PTK2: variants seen among roughly 807,000 people sequenced by gnomAD.
The protein encoded by PTK2 is protein tyrosine kinase 2, also known as focal adhesion kinase 1.
PTK2 carries 45 observed loss-of-function variants against 150.1 expected under a neutral mutation model. That is an observed-to-expected ratio of 0.30 (90% CI 0.24 to 0.38). PTK2 has a LOEUF of 0.38. Among genes scored for constraint, PTK2 ranks in the 10% least tolerant of loss-of-function variants. The pLI is 1.00. For synonymous variants in PTK2, 432 were observed against 449.2 expected (o/e 0.96, Z 0.48); for missense variants, 919 against 1,307.3 (o/e 0.70, Z 4.58).
At chr8:140,697,416 T>TTGTG (rs34459077) in intron 26 of PTK2, among the ~76,000 whole-genome samples, 1,816 of 145,792 alleles carry the variant, frequency 0.012, 21 homozygotes, top group African/African-American at 0.022. Context: ...AGAATACGGT[T>TTGTG]TGTGTGTGTG....
intron 3 of PTK2, among the ~76,000 whole-genome samples, chr8:140,886,043 CAAAG>C (rs948399275): frequency 6.6e-6 from 1 of 151,856 alleles, no homozygotes; most frequent in Admixed American, 6.6e-5. Context: ...AAGAAGAGCT[CAAAG>C]AAAGGGGTAG....
In PTK2 at chr8:140,991,385, ATACAAACTGC is replaced by A. The variant is rs1458895075; in HGVS notation, c.-122+9730_-122+9739del. Among the ~76,000 whole-genome samples the A allele has an allele frequency of 2.0e-5, 3 of 152,356 alleles. No homozygotes were observed. The East Asian group carries it at 5.8e-4, about 29-fold the overall frequency. Reference sequence around the variant, plus strand: ...GCCAAAAGCCACAAGTCCAGGAGCCATACAAACTGCTATTTCAATGTAAAATTGTTCATTC... The same window carrying A: ...GCCAAAAGCCACAAGTCCAGGAGCCATATTTCAATGTAAAATTGTTCATTC... On this transcript the variant is annotated intron_variant, in intron 1 of 31. Coordinates refer to ENST00000522684, the Ensembl canonical transcript of PTK2.
At chr8:140,760,019 C>A (rs1439192067) in intron 16 of PTK2, among the ~76,000 whole-genome samples, 1 of 152,040 alleles carries the variant, frequency 6.6e-6, no homozygotes. Flanking sequence ...GTCAAGAGAT[C>A]GAGACCATCC....
intron 2 of PTK2, among the ~76,000 whole-genome samples, chr8:140,918,733 T>C (rs930469656): frequency 6.6e-6 from 1 of 152,198 alleles, no homozygotes; most frequent in African/African-American, 2.4e-5. Flanking sequence ...TCTTCTTAAA[T>C]TGGGACACTG....
intron 1 of PTK2, among the ~76,000 whole-genome samples, chr8:140,934,756 C>T (rs2154608640): frequency 6.6e-6 from 1 of 152,348 alleles, no homozygotes; most frequent in African/African-American, 2.4e-5. Context: ...TAAGCCTCTG[C>T]TATGACAGTG....
intron 10 of PTK2, among the ~76,000 whole-genome samples, chr8:140,811,385 T>C (rs2100101458): frequency 1.3e-5 from 2 of 152,044 alleles, no homozygotes; most frequent in African/African-American, 4.8e-5. Flanking sequence ...GGTCATCAAA[T>C]AGGATAAACA....
chr8:140,978,097 C>T (rs988785774), intron 1 of PTK2, among the ~76,000 whole-genome samples: 30 of 152,170 alleles, frequency 2.0e-4, no homozygotes, highest in Admixed American at 1.1e-3. Flanking sequence ...ACACCTTATA[C>T]AAAAATTAAC....
chr8:140,933,500 G>A (rs193154720), intron 1 of PTK2, among the ~76,000 whole-genome samples: 89 of 152,296 alleles, frequency 5.8e-4, no homozygotes, highest in African/African-American at 2.0e-3. Context: ...GTTTTGGAAC[G>A]CTAAATCCTA....
intron 27 of PTK2, among the ~76,000 whole-genome samples, chr8:140,677,090 A>C (rs1268175577): frequency 2.0e-5 from 3 of 152,178 alleles, no homozygotes; most frequent in African/African-American, 7.2e-5. Flanking sequence ...CAAATAAAAA[A>C]AATTTGAAAT....
chr8:140,958,040 T>C (rs1425146748), intron 1 of PTK2, among the ~76,000 whole-genome samples: 1 of 152,252 alleles, frequency 6.6e-6, no homozygotes, highest in African/African-American at 2.4e-5. Context: ...ATGAGTTAAC[T>C]ACCTTTTTCT....
At chr8:140,758,865 T>C (rs2100067478) in intron 16 of PTK2, among the ~76,000 whole-genome samples, 1 of 152,224 alleles carries the variant, frequency 6.6e-6, no homozygotes, top group Non-Finnish European at 1.5e-5. Flanking sequence ...TCATGGTAAG[T>C]GCCCTATATG....
intron 21 of PTK2, among the ~76,000 whole-genome samples, chr8:140,737,385 G>A (rs1046714386): frequency 1.3e-5 from 2 of 152,136 alleles, no homozygotes; most frequent in African/African-American, 2.4e-5. Context: ...TTACAGGCAT[G>A]AGCCACCGTG....
intron 2 of PTK2, among the ~76,000 whole-genome samples, chr8:140,895,342 T>C (rs1390253261): frequency 2.0e-5 from 3 of 151,870 alleles, no homozygotes; most frequent in Non-Finnish European, 4.4e-5. Flanking sequence ...TGCCTGGGCT[T>C]GTGAGACCCC....
At chr8:140,934,539 A>T (rs981532491) in intron 1 of PTK2, 6 of 152,336 alleles carry the variant, frequency 3.9e-5, no homozygotes, top group African/African-American at 1.4e-4. Flanking sequence ...AACCATCCCA[A>T]CAAGTTTCTT....
intron 2 of PTK2, among the ~76,000 whole-genome samples, chr8:140,912,700 C>T (rs1056018956): frequency 6.6e-6 from 1 of 152,098 alleles, no homozygotes; most frequent in African/African-American, 2.4e-5. Flanking sequence ...GTGGCTCATG[C>T]CTGTAACCCC....
chr8:140,931,022 G>T (rs1419319207), intron 1 of PTK2, among the ~76,000 whole-genome samples: 1 of 137,856 alleles, frequency 7.3e-6, no homozygotes, highest in Non-Finnish European at 1.5e-5. Flanking sequence ...AGTAAGCCGA[G>T]ATCACACCAC....
chr8:140,985,090 G>C (rs1432766262), intron 1 of PTK2, among the ~76,000 whole-genome samples: 1 of 152,162 alleles, frequency 6.6e-6, no homozygotes, highest in African/African-American at 2.4e-5. Context: ...CAAATGGACA[G>C]AATATCCTGA....
chr8:140,726,929 A>G (rs923023124), intron 22 of PTK2, among the ~76,000 whole-genome samples: 8 of 152,234 alleles, frequency 5.3e-5, no homozygotes, highest in African/African-American at 1.9e-4. Flanking sequence ...TGACAATTTC[A>G]GCATAATGGA....
intron 7 of PTK2, among the ~76,000 whole-genome samples, chr8:140,838,816 C>G (rs928275178): frequency 1.3e-5 from 2 of 152,058 alleles, no homozygotes; most frequent in African/African-American, 4.8e-5. Flanking sequence ...ACCATCCTGG[C>G]TAACATGGTG....
Sources: gnomAD v4.1 joint callset for allele counts (sites outside exome capture counted in the v4.1 genomes callset) on GRCh38, gnomAD v4.1.1 for gene constraint, MANE v1.5 for transcripts, NCBI Gene and HGNC (gene_info 2026-07-23, HGNC 2026-07-21) for gene names.